Variants in MYT1L observed in about 807,000 individuals in gnomAD.
The protein encoded by MYT1L is myelin transcription factor 1-like protein.
Under a neutral mutation model 126.7 loss-of-function variants are expected in MYT1L, and 12 were observed. The observed-to-expected ratio is 0.09, with a 90% CI of 0.06 to 0.15. The LOEUF (loss-of-function observed/expected upper bound fraction) is 0.15, where lower values mean the gene tolerates loss of function less well. Ranked by LOEUF, MYT1L falls within the 10% of genes least tolerant of loss-of-function variation. The pLI is 1.00. For missense variants in MYT1L, 979 were observed against 1,585.2 expected, an observed-to-expected ratio of 0.62 and a Z score of 6.49; for synonymous variants, 541 against 604.2, an observed-to-expected ratio of 0.90 and a Z score of 1.53.
At chr2:2,204,299 G>T (rs912146967) in intron 2 of MYT1L, among the ~76,000 whole-genome samples, 2 of 151,712 alleles carry the variant, frequency 1.3e-5, no homozygotes, top group Non-Finnish European at 2.9e-5. Context: ...CACAGCAAAA[G>T]AAACTACCAT....
At chr2:2,004,207 A>ACGTGCCTTCTTTCC (rs1558696873) in intron 4 of MYT1L, among the ~76,000 whole-genome samples, 1 of 137,624 alleles carries the variant, frequency 7.3e-6, no homozygotes, top group Non-Finnish European at 1.6e-5. Context: ...TCTTTCCTGA[A>ACGTGCCTTCTTTCC]TGTGTTCTTT....
At chr2:1,846,145 T>A (rs1481279649) in intron 19 of MYT1L, among the ~76,000 whole-genome samples, 1 of 152,244 alleles carries the variant, frequency 6.6e-6, no homozygotes, top group Non-Finnish European at 1.5e-5. Context: ...TGCGCCCTCC[T>A]GGAACCCATC....
At chr2:1,934,902 G>A (rs1426616873) in intron 9 of MYT1L, among the ~76,000 whole-genome samples, 1 of 152,242 alleles carries the variant, frequency 6.6e-6, no homozygotes, top group African/African-American at 2.4e-5. Context: ...TGGTTCTTCT[G>A]TTTTCCAGAA....
chr2:2,034,049 G>C (rs2066726028), intron 4 of MYT1L, among the ~76,000 whole-genome samples: 1 of 152,172 alleles, frequency 6.6e-6, no homozygotes. Flanking sequence ...GTTCTCTCCA[G>C]ACTCCAGACT....
chr2:2,028,570 A>T (rs959582045), intron 4 of MYT1L, among the ~76,000 whole-genome samples: 5 of 152,186 alleles, frequency 3.3e-5, no homozygotes, highest in East Asian at 3.9e-4. Flanking sequence ...AGAGGAAATT[A>T]AAAAAAATGA....
chr2:2,004,275 G>GTTCTTTCCTGCATGCA lies in MYT1L; in HGVS notation c.-157-6929_-157-6928insTGCATGCAGGAAAGAA, dbSNP rs1558697930. Among the ~76,000 whole-genome samples the GTTCTTTCCTGCATGCA allele has an allele frequency of 1.1e-4, 13 of 122,408 alleles. 3 individuals carry two copies. Among genetic ancestry groups the GTTCTTTCCTGCATGCA allele is most frequent in the African/African-American group, 4.2e-4 (13 of 31,060 alleles). The allele number at this position is 122,408 out of a possible 152,430, so 80.3% of individuals were successfully genotyped here. A position where few individuals can be genotyped will look rare whatever the true frequency, so the allele number is the denominator to read the frequency against. ...CCTGCAGGCGTTCTTTCCTGCAGGC[G>GTTCTTTCCTGCATGCA]TTCTTTCCTGCATGCGTTCTTTCCT... is the stretch of plus-strand genomic sequence containing the variant. On this transcript the variant is annotated intron_variant, in intron 4 of 24. Coordinates refer to ENST00000647738, the MANE Select transcript of MYT1L (RefSeq NM_001303052.2).
At chr2:2,244,841 A>G (rs560020381) in intron 2 of MYT1L, among the ~76,000 whole-genome samples, 9 of 152,200 alleles carry the variant, frequency 5.9e-5, no homozygotes, top group Non-Finnish European at 1.2e-4. Context: ...ACGGCTAGAG[A>G]TTCTTCTAGC....
At chr2:2,141,032 G>A (rs996979853) in intron 3 of MYT1L, among the ~76,000 whole-genome samples, 5 of 151,842 alleles carry the variant, frequency 3.3e-5, no homozygotes, top group African/African-American at 1.2e-4. Flanking sequence ...TTCCAATACC[G>A]CTTGTTTTCA....
rs960672403 is a variant in MYT1L, at chr2:1,929,379, C to A, written c.506-6116G>T. ...GCCCTTCACTAGAAGACCCCTGAGG[C>A]GCCCTCTAACTCAGAGCCCTGCAGT... On this transcript the variant is annotated intron_variant, in intron 9 of 24. Coordinates refer to ENST00000647738, the MANE Select transcript of MYT1L (RefSeq NM_001303052.2). This position sits in a 1 kb window ranked among gnomAD's most constrained non-coding sequence, Gnocchi z 4.7. Among the ~76,000 whole-genome samples, 1 of 152,160 alleles carries A rather than the reference C, an allele frequency of 6.6e-6. No individual in the cohort carries two copies. Among genetic ancestry groups the A allele is most frequent in the Non-Finnish European group, 1.5e-5 (1 of 68,032 alleles).
At chr2:2,209,670 C>T (rs2093436891) in intron 2 of MYT1L, among the ~76,000 whole-genome samples, 1 of 152,066 alleles carries the variant, frequency 6.6e-6, no homozygotes, top group Admixed American at 6.6e-5. Flanking sequence ...CATATGTATG[C>T]CACATTTTTT....
chr2:1,911,165 T>G (rs755519768), intron 12 of MYT1L, among the ~76,000 whole-genome samples: 3 of 152,212 alleles, frequency 2.0e-5, no homozygotes, highest in Non-Finnish European at 4.4e-5. Context: ...GATCATTTCC[T>G]GCTTCTGCAG....
At chr2:2,049,987 A>C (rs954333339) in intron 4 of MYT1L, among the ~76,000 whole-genome samples, 1 of 152,076 alleles carries the variant, frequency 6.6e-6, no homozygotes, top group East Asian at 1.9e-4. Flanking sequence ...ATATGTATAT[A>C]GTACTAACTT....
chr2:1,904,378 T>C (rs1433623555), intron 13 of MYT1L, among the ~76,000 whole-genome samples: 1 of 152,056 alleles, frequency 6.6e-6, no homozygotes, highest in Admixed American at 6.6e-5. Context: ...TTTTTTGTTG[T>C]TGTTGTTGTG....
chr2:2,021,820 C>A (rs888550297), intron 4 of MYT1L, among the ~76,000 whole-genome samples: 30 of 152,102 alleles, frequency 2.0e-4, no homozygotes, highest in African/African-American at 7.0e-4. Flanking sequence ...TGGCGTGAAC[C>A]CGGGTGGCGG....
At chr2:2,245,870 A>G (rs1054497468) in intron 2 of MYT1L, among the ~76,000 whole-genome samples, 1 of 152,150 alleles carries the variant, frequency 6.6e-6, no homozygotes, top group Admixed American at 6.5e-5. Flanking sequence ...GGCTGTGAAC[A>G]TGGAGGCTGG....
chr2:2,299,074 G>A (rs1423865779), intron 1 of MYT1L, among the ~76,000 whole-genome samples: 1 of 152,106 alleles, frequency 6.6e-6, no homozygotes, highest in Non-Finnish European at 1.5e-5. Flanking sequence ...GGATGGTCTC[G>A]ATCTCCTGAC....
intron 12 of MYT1L, 87 bp downstream of exon 12, chr2:1,911,933 A>T (rs1393233742): frequency 3.8e-6 from 4 of 1,053,568 alleles, no homozygotes; most frequent in Non-Finnish European, 5.4e-6. Context: ...GGAGCACCAT[A>T]TGGAGCGTGG....
At chr2:2,274,923 G>C (rs989047057) in intron 2 of MYT1L, among the ~76,000 whole-genome samples, 3 of 152,160 alleles carry the variant, frequency 2.0e-5, no homozygotes, top group Non-Finnish European at 4.4e-5. Flanking sequence ...AGAGCTGTGA[G>C]GCTCAGCAAA....
intron 21 of MYT1L, among the ~76,000 whole-genome samples, chr2:1,812,247 A>G (rs2036782144): frequency 6.6e-6 from 1 of 152,238 alleles, no homozygotes; most frequent in East Asian, 1.9e-4. Context: ...ACTGGCTAGG[A>G]AAGACTTAGG....
Sources: gnomAD v4.1 joint callset for allele counts (sites outside exome capture counted in the v4.1 genomes callset) on GRCh38, gnomAD v4.1.1 for gene constraint, Gnocchi (gnomAD v3.1) non-coding constraint, MANE v1.5 for transcripts, NCBI Gene and HGNC (gene_info 2026-07-23, HGNC 2026-07-21) for gene names.